EGFLAM: variants seen among roughly 807,000 people sequenced by gnomAD.
The protein encoded by EGFLAM is pikachurin.
Under a neutral mutation model 113.1 loss-of-function variants are expected in EGFLAM, and 79 were observed. The observed-to-expected ratio is 0.70, with a 90% CI of 0.58 to 0.84. The LOEUF (loss-of-function observed/expected upper bound fraction) is 0.84, where lower values mean the gene tolerates loss of function less well. Ranked by LOEUF, EGFLAM falls within the 40% of genes least tolerant of loss-of-function variation. The probability of loss-of-function intolerance (pLI) is 0.00; values close to 1 mark genes in which losing one functional copy is unlikely to be tolerated. For synonymous variants in EGFLAM, 504 were observed against 487.6 expected (o/e 1.03, Z -0.44); for missense variants, 1,265 against 1,291.6 (o/e 0.98, Z 0.32).
At chr5:38,372,177 C>G (rs562362627) in intron 6 of EGFLAM, among the ~76,000 whole-genome samples, 2 of 151,580 alleles carry the variant, frequency 1.3e-5, no homozygotes, top group African/African-American at 2.4e-5. Context: ...GAGACTCACT[C>G]TGTCACCCAG....
intron 5 of EGFLAM, 123 bp downstream of exon 5, chr5:38,352,454 C>T: frequency 7.8e-7 from 1 of 1,287,922 alleles, no homozygotes; most frequent in Non-Finnish European, 1.1e-6. Flanking sequence ...CGAGACCAGC[C>T]TGACCAACAT....
intron 13 of EGFLAM, 134 bp downstream of exon 13, chr5:38,425,226 C>T (rs568271366): frequency 1.5e-5 from 20 of 1,357,672 alleles, no homozygotes; most frequent in African/African-American, 1.2e-4. Flanking sequence ...TTACCCAGGC[C>T]GGAGTGCAGT....
chr5:38,354,454 C>T (rs879326156), intron 5 of EGFLAM, among the ~76,000 whole-genome samples: 6 of 152,138 alleles, frequency 3.9e-5, no homozygotes, highest in African/African-American at 1.2e-4. Context: ...TCTGGCCAGG[C>T]GCGGTGGCTC....
At position 38,392,819 on chromosome 5, in the gene EGFLAM, G is replaced by A. The variant is rs147917018; in HGVS notation, c.713-13307G>A. Among the ~76,000 whole-genome samples, 394 of 152,206 alleles carry A rather than the reference G, an allele frequency of 2.6e-3. 3 individuals carry two copies. The highest frequency in any genetic ancestry group is 9.1e-3 in the African/African-American group (376 of 41,524). On this transcript the variant is annotated intron_variant, in intron 6 of 21. Transcript: ENST00000322350. ...ATTTACATTAGGTATATCTCTTAGT[G>A]CTATCCCTCCCTGCTCCCCCTACCC...
intron 1 of EGFLAM, among the ~76,000 whole-genome samples, chr5:38,298,603 A>G (rs972606306): frequency 6.6e-6 from 1 of 152,246 alleles, no homozygotes; most frequent in Non-Finnish European, 1.5e-5. Flanking sequence ...CTAAATCACC[A>G]AAATAAATAT....
chr5:38,400,592 CG>C (rs1217991320), intron 6 of EGFLAM, among the ~76,000 whole-genome samples: 1 of 152,210 alleles, frequency 6.6e-6, no homozygotes, highest in African/African-American at 2.4e-5. Context: ...TCTGAGGTGG[CG>C]GGGCAGTCAG....
At chr5:38,346,480 G>C (rs1739474551) in intron 3 of EGFLAM, 1 of 152,146 alleles carries the variant, frequency 6.6e-6, no homozygotes, top group South Asian at 2.1e-4. Context: ...ATGAAAATAA[G>C]AGTGATACCT....
chr5:38,333,692 G>A (rs960085213), intron 1 of EGFLAM, among the ~76,000 whole-genome samples: 2 of 152,134 alleles, frequency 1.3e-5, no homozygotes, highest in African/African-American at 4.8e-5. Context: ...TACAAATGCT[G>A]GATGTTAGAC....
At chr5:38,435,870 CGCA>C (rs1386364148) in intron 16 of EGFLAM, among the ~76,000 whole-genome samples, 1 of 133,152 alleles carries the variant, frequency 7.5e-6, no homozygotes, top group Non-Finnish European at 1.5e-5. Flanking sequence ...CAGGCTGTAG[CGCA>C]GTGGCGTGAT....
chr5:38,418,414 G>A (rs1417449353), intron 12 of EGFLAM, among the ~76,000 whole-genome samples, 159 bp downstream of exon 12: 1 of 152,182 alleles, frequency 6.6e-6, no homozygotes, highest in East Asian at 1.9e-4. Flanking sequence ...TCAGGGGTGA[G>A]GCTGGTGCTC....
At position 38,397,048 on chromosome 5, in the gene EGFLAM, A is replaced by G. The variant is rs376514733; in HGVS notation, c.713-9078A>G. Among the ~76,000 whole-genome samples, 34 of 152,370 alleles carry G rather than the reference A, an allele frequency of 2.2e-4. No individual in the cohort carries two copies. In the South Asian group the frequency reaches 6.6e-3, roughly 30 times the overall value. On this transcript the variant is annotated intron_variant, in intron 6 of 21. Coordinates refer to ENST00000322350, the MANE Select transcript of EGFLAM (RefSeq NM_152403.4). ...TTGCGCTTCTGCTGTGTGGATGTGCATAAAGATAAAGGCATCTGAGAAGCT... is the reference window on the plus strand; with the variant it reads ...TTGCGCTTCTGCTGTGTGGATGTGCGTAAAGATAAAGGCATCTGAGAAGCT...
intron 19 of EGFLAM, among the ~76,000 whole-genome samples, chr5:38,457,943 C>G (rs1743142334): frequency 6.7e-6 from 1 of 149,778 alleles, no homozygotes; most frequent in African/African-American, 2.5e-5. Flanking sequence ...TTGTCAGGGG[C>G]TGGGGGGAGG....
rs140670906 is a variant in EGFLAM, at chr5:38,334,765, C to T, written c.98-2755C>T. Among the ~76,000 whole-genome samples the T allele has an allele frequency of 7.6e-3, 1,164 of 152,240 alleles. 16 individuals are homozygous for T. Among genetic ancestry groups the T allele is most frequent in the African/African-American group, 0.026 (1,083 of 41,530 alleles). On this transcript the variant is annotated intron_variant, in intron 1 of 21. Coordinates refer to ENST00000322350, the MANE Select transcript of EGFLAM (RefSeq NM_152403.4). The stretch of plus-strand genomic sequence containing the variant: ...GCTGGTGGGGCTGTGTTACTTTATA[C>T]TGTTACTTATACATCTCATGTACAC...
At chr5:38,261,041 T>C (rs1757489050) in intron 1 of EGFLAM, among the ~76,000 whole-genome samples, 1 of 152,190 alleles carries the variant, frequency 6.6e-6, no homozygotes, top group Non-Finnish European at 1.5e-5. Context: ...AGCGGTTCTG[T>C]CTTATTTGGA....
chr5:38,357,578 A>G (rs1739795425), intron 5 of EGFLAM, among the ~76,000 whole-genome samples: 1 of 152,172 alleles, frequency 6.6e-6, no homozygotes. Flanking sequence ...AGCACACGTG[A>G]CAGGTTTCTG....
intron 11 of EGFLAM, among the ~76,000 whole-genome samples, chr5:38,414,130 T>G (rs1579896387): frequency 6.6e-6 from 1 of 152,148 alleles, no homozygotes; most frequent in East Asian, 1.9e-4. Flanking sequence ...CACCCTGCCT[T>G]CCAAAATATA....
At chr5:38,337,659 G>A in intron 2 of EGFLAM, 30 bp downstream of exon 2, 1 of 1,551,182 alleles carries the variant, frequency 6.4e-7, no homozygotes, top group Non-Finnish European at 8.8e-7. Context: ...AGTTTCCTCG[G>A]TGGGTGTGTC....
chr5:38,287,695 T>C (rs1401913200), intron 1 of EGFLAM, among the ~76,000 whole-genome samples: 3 of 152,200 alleles, frequency 2.0e-5, no homozygotes, highest in African/African-American at 4.8e-5. Flanking sequence ...TTCTATTTAA[T>C]GACTGGTAAG....
rs1193013734 is a variant in EGFLAM, at chr5:38,407,974, G to A, written c.1248+69G>A. On this transcript the variant is annotated intron_variant, in intron 9 of 21. Transcript: ENST00000322350. Reference sequence around the variant, plus strand: ...AACACAGCAATGTGCTACATTCAAAGGCTGGGGGAGAGGAAGCGGGGCAGC... The same window carrying A: ...AACACAGCAATGTGCTACATTCAAAAGCTGGGGGAGAGGAAGCGGGGCAGC... 10 of 1,279,972 alleles carry A rather than the reference G, an allele frequency of 7.8e-6. No homozygotes were observed. In the Admixed American group the frequency reaches 1.6e-4, roughly 21 times the overall value. 79.3% of individuals were successfully genotyped at this position (1,279,972 alleles called of 1,614,324 possible). A position where few individuals can be genotyped will look rare whatever the true frequency, so the allele number is the denominator to read the frequency against.
Sources: allele counts gnomAD v4.1 joint callset (sites outside exome capture counted in the v4.1 genomes callset), GRCh38; gene constraint gnomAD v4.1.1; transcripts MANE v1.5; gene names NCBI Gene and HGNC (gene_info 2026-07-23, HGNC 2026-07-21).